FGF5: variants seen among roughly 807,000 people sequenced by gnomAD.
FGF5 encodes heparin-binding growth factor 5.
In FGF5, 23 loss-of-function variants were observed where a neutral mutation model predicts 21.8. The observed-to-expected ratio is 1.05, with a 90% CI of 0.76 to 1.49. FGF5 has a LOEUF of 1.49. Ranked by LOEUF, FGF5 falls within the 40% of genes most tolerant of loss-of-function variation. FGF5 has a pLI of 0.00. For missense variants in FGF5, 352 were observed against 332.9 expected, an observed-to-expected ratio of 1.06 and a Z score of -0.45; for synonymous variants, 158 against 124.0, an observed-to-expected ratio of 1.27 and a Z score of -1.82.
intron 2 of FGF5, among the ~76,000 whole-genome samples, chr4:80,283,131 G>C (rs1027525383): frequency 6.6e-6 from 1 of 152,106 alleles, no homozygotes; most frequent in Non-Finnish European, 1.5e-5. Flanking sequence ...CATCACAGCT[G>C]GAATAATTTT....
At chr4:80,272,402 T>C (rs1720294877) in intron 1 of FGF5, among the ~76,000 whole-genome samples, 1 of 152,172 alleles carries the variant, frequency 6.6e-6, no homozygotes, top group South Asian at 2.1e-4. Flanking sequence ...ATGCAACTTG[T>C]ACATAATATA....
chr4:80,286,671 A>G lies in FGF5; in HGVS notation c.806A>G (p.Ter269=). The G allele has an allele frequency of 1.2e-6, 2 of 1,611,212 alleles. No individual in the cohort carries two copies. The highest frequency in any genetic ancestry group is 1.7e-6 in the Non-Finnish European group (2 of 1,177,790). The change falls in exon 3 of 3, where the codon TAA becomes TGA. Residue 269 remains the stop codon, a stop_retained_variant. Coordinates refer to ENST00000312465, the MANE Select transcript of FGF5 (RefSeq NM_004464.4). ...VKYRLKFRFG[*] ...TACAGACTCAAGTTTCGCTTTGGAT[A>G]ATATTCCTCTTGGCCTTGTGAGAAA...
rs966115558 is a variant in FGF5 at position 80,266,667 on chromosome 4, C to G, written c.-158C>G. ...CCCGGTGCCAGCGCGGAGATCCGCT[C>G]GGGTGGCCTCTCTCTTCCCCTCTCC... On this transcript the variant is annotated 5_prime_UTR_variant, in exon 1 of 3. Transcript: ENST00000312465. 1.6e-6 allele frequency: 1 copy of G among 625,704 alleles called. No homozygotes were observed. The highest frequency in any genetic ancestry group is 2.8e-6 in the Non-Finnish European group (1 of 363,416). The allele number at this position is 625,704 out of a possible 1,614,324, so 38.8% of individuals were successfully genotyped here.
At chr4:80,268,063 A>G (rs1720148453) in intron 1 of FGF5, among the ~76,000 whole-genome samples, 1 of 152,158 alleles carries the variant, frequency 6.6e-6, no homozygotes, top group African/African-American at 2.4e-5. Context: ...TTTATAAACA[A>G]AGTTTTAAAT....
intron 2 of FGF5, among the ~76,000 whole-genome samples, chr4:80,282,540 A>G (rs907640249): frequency 6.6e-6 from 1 of 152,208 alleles, no homozygotes; most frequent in African/African-American, 2.4e-5. Flanking sequence ...CCATGTTAAT[A>G]CTGTTTTCCA....
At chr4:80,276,380 T>C (rs1418468631) in intron 2 of FGF5, among the ~76,000 whole-genome samples, 3 of 152,148 alleles carry the variant, frequency 2.0e-5, no homozygotes, top group Admixed American at 2.0e-4. Context: ...CTGGTTACTA[T>C]ACTCTAGCAA....
At chr4:80,285,037 T>A (rs941277450) in intron 2 of FGF5, among the ~76,000 whole-genome samples, 1 of 152,182 alleles carries the variant, frequency 6.6e-6, no homozygotes, top group Non-Finnish European at 1.5e-5. Context: ...GGTTATGGGC[T>A]CTTTCAAGTT....
At chr4:80,281,130 C>A (rs1720542065) in intron 2 of FGF5, among the ~76,000 whole-genome samples, 1 of 151,978 alleles carries the variant, frequency 6.6e-6, no homozygotes, top group South Asian at 2.1e-4. Flanking sequence ...GATAGCATGG[C>A]AAGGCTACAA....
At chr4:80,267,733 G>GTAGATAAATAGA (rs113857771) in intron 1 of FGF5, among the ~76,000 whole-genome samples, 4 of 151,066 alleles carry the variant, frequency 2.6e-5, no homozygotes, top group African/African-American at 9.7e-5. Flanking sequence ...ATACACATAG[G>GTAGATAAATAGA]TAGATAGATA....
In FGF5 at chr4:80,286,411, A is replaced by G. The variant is rs1720720902; in HGVS notation, c.546A>G (p.Glu182=). The change falls in exon 3 of 3, where the codon GAA becomes GAG. Residue 182 remains glutamate (E), a synonymous_variant. Coordinates refer to ENST00000312465, the MANE Select transcript of FGF5 (RefSeq NM_004464.4). The part of the protein sequence containing the change: ...NTYASAIHRT[E]KTGREWYVAL... ...ATGCCTCAGCAATACATAGAACTGA[A>G]AAAACAGGGCGGGAGTGGTATGTGG... is the stretch of plus-strand genomic sequence containing the variant. 6.2e-7 allele frequency: 1 copy of G among 1,614,042 alleles called. No individual in the cohort carries two copies. Among genetic ancestry groups the G allele is most frequent in the African/African-American group, 1.3e-5 (1 of 75,042 alleles).
intron 1 of FGF5, among the ~76,000 whole-genome samples, chr4:80,271,197 G>T (rs1720261048): frequency 6.6e-6 from 1 of 152,142 alleles, no homozygotes; most frequent in African/African-American, 2.4e-5. Flanking sequence ...GTGTATAGTT[G>T]TATCAACCAC....
intron 2 of FGF5, among the ~76,000 whole-genome samples, chr4:80,281,623 T>C (rs547556029): frequency 8.9e-4 from 135 of 152,274 alleles, no homozygotes; most frequent in African/African-American, 3.0e-3. Flanking sequence ...ACATATTTAG[T>C]TCTGTAGTTG....
intron 2 of FGF5, among the ~76,000 whole-genome samples, chr4:80,285,167 C>CT (rs1560502145): frequency 6.6e-6 from 1 of 152,140 alleles, no homozygotes; most frequent in Admixed American, 6.6e-5. Context: ...GATTGCATGT[C>CT]TGACTCCAAG....
chr4:80,269,357 C>T (rs1418281254), intron 1 of FGF5, among the ~76,000 whole-genome samples: 1 of 152,096 alleles, frequency 6.6e-6, no homozygotes, highest in African/African-American at 2.4e-5. Flanking sequence ...AAGGCTCATT[C>T]CCAGGATATT....
Position 80,288,117 on chromosome 4 carries a change from A to G in FGF5, c.*1445A>G, listed in dbSNP as rs892655078. 1 of 152,182 alleles carries G rather than the reference A, an allele frequency of 6.6e-6. No homozygotes were observed. Among genetic ancestry groups the G allele is most frequent in the Non-Finnish European group, 1.5e-5 (1 of 68,008 alleles). 9.4% of individuals were successfully genotyped at this position (152,182 alleles called of 1,614,324 possible). ...AAAGGCATAGCTAAAGGCTAAACAT[A>G]TGGCTTTAGTAGTAACAAAAGGGTT... On this transcript the variant is annotated 3_prime_UTR_variant, in exon 3 of 3. Transcript: ENST00000312465.
intron 2 of FGF5, 136 bp downstream of exon 2, chr4:80,275,148 C>A (rs570704553): frequency 2.2e-6 from 1 of 452,302 alleles, no homozygotes; most frequent in South Asian, 4.9e-5. Context: ...TTACATTTAA[C>A]CAAGATAATT....
At chr4:80,276,743 C>T (rs1720422647) in intron 2 of FGF5, among the ~76,000 whole-genome samples, 1 of 146,608 alleles carries the variant, frequency 6.8e-6, no homozygotes, top group African/African-American at 2.5e-5. Flanking sequence ...CAGATGAGTT[C>T]TCACGAGGGC....
chr4:80,266,903 G>T lies in FGF5; in HGVS notation c.79G>T (p.Ala27Ser). The T allele has an allele frequency of 6.2e-6, 10 of 1,613,824 alleles. No individual in the cohort carries two copies. Among genetic ancestry groups the T allele is most frequent in the Non-Finnish European group, 8.5e-6 (10 of 1,179,892 alleles). ...SAWAHGEKRL[A>S]PKGQPGPAAT... is the part of the protein sequence containing the mutation. ...CTGGGCTCACGGGGAGAAGCGTCTCGCCCCCAAAGGGCAACCCGGACCCGC... is the reference window on the plus strand; with the variant it reads ...CTGGGCTCACGGGGAGAAGCGTCTCTCCCCCAAAGGGCAACCCGGACCCGC... The change falls in exon 1 of 3, where the codon GCC (alanine) becomes TCC (serine). Residue 27 changes from alanine (A) to serine (S), a missense_variant. Physicochemically the swap from Ala to Ser is moderately conservative, Grantham distance 99. Transcript: ENST00000312465.
At chr4:80,270,092 T>C (rs1720226547) in intron 1 of FGF5, among the ~76,000 whole-genome samples, 1 of 152,226 alleles carries the variant, frequency 6.6e-6, no homozygotes, top group Non-Finnish European at 1.5e-5. Flanking sequence ...TGTGAGGAAA[T>C]GTGTTTAAAT....
Sources: allele counts gnomAD v4.1 joint callset (sites outside exome capture counted in the v4.1 genomes callset), GRCh38; gene constraint gnomAD v4.1.1; transcripts MANE v1.5; gene names NCBI Gene and HGNC (gene_info 2026-07-23, HGNC 2026-07-21).